Variants in JHY observed in about 807,000 individuals in gnomAD.
The protein encoded by JHY is jhy protein homolog.
JHY carries 69 observed loss-of-function variants against 78.0 expected under a neutral mutation model. The ratio of observed to expected loss-of-function variants is 0.88; its 90% CI spans 0.73 to 1.08. JHY has a LOEUF of 1.08. Ranked by LOEUF, JHY falls within the 50% of genes least tolerant of loss-of-function variation. The probability of loss-of-function intolerance (pLI) is 0.00; values close to 1 mark genes in which losing one functional copy is unlikely to be tolerated. For synonymous variants in JHY, 368 were observed against 342.6 expected (o/e 1.07, Z -0.82); for missense variants, 944 against 927.8 (o/e 1.02, Z -0.23).
intron 6 of JHY, among the ~76,000 whole-genome samples, chr11:122,953,601 CA>C (rs201261407): frequency 0.019 from 1,242 of 64,416 alleles, 10 homozygotes; most frequent in African/African-American, 0.058. Flanking sequence ...CACTCCATCT[CA>C]AAAAAAAAAA....
chr11:122,952,048 T>C (rs1035087205), intron 6 of JHY, among the ~76,000 whole-genome samples: 1 of 151,404 alleles, frequency 6.6e-6, no homozygotes, highest in Non-Finnish European at 1.5e-5. Context: ...GTAACAGCCA[T>C]GGAGAGGTAA....
chr11:122,908,561 C>A (rs994298975), intron 3 of JHY, among the ~76,000 whole-genome samples: 1 of 152,176 alleles, frequency 6.6e-6, no homozygotes, highest in Non-Finnish European at 1.5e-5. Context: ...AAGGTTTTAT[C>A]AAAATCTAAA....
At position 122,885,751 on chromosome 11, in the gene JHY, T is replaced by A. The variant is rs938706032; in HGVS notation, c.-89-10T>A. The A allele has an allele frequency of 1.5e-4, 132 of 882,512 alleles. No individual in the cohort carries two copies. The highest frequency in any genetic ancestry group is 2.8e-4 in the Admixed American group (11 of 39,170). The allele number at this position is 882,512 out of a possible 1,614,324, so 54.7% of individuals were successfully genotyped here. A position where few individuals can be genotyped will look rare whatever the true frequency, so the allele number is the denominator to read the frequency against. On this transcript the variant is annotated splice_polypyrimidine_tract_variant and intron_variant, in intron 1 of 8. Coordinates refer to ENST00000227349, the MANE Select transcript of JHY (RefSeq NM_024806.4). Reference sequence around the variant, plus strand: ...TGGTCGCAGAGTAACATAAATATATTTTTTTTCAGGTAACGCTTTTGTGAA... The same window carrying A: ...TGGTCGCAGAGTAACATAAATATATATTTTTTCAGGTAACGCTTTTGTGAA...
rs201867132 is a variant in JHY at position 122,886,201 on chromosome 11, A to T, written c.344+8A>T. ...CCAGGGCGCCAATAACAGGTAAGGA[A>T]TTGGCTTGTGTAAGATAATAATGGG... On this transcript the variant is annotated splice_region_variant and intron_variant, in intron 2 of 8. Transcript: ENST00000227349. The T allele has an allele frequency of 3.0e-3, 4,853 of 1,602,056 alleles. 9 individuals carry two copies. The highest frequency in any genetic ancestry group is 3.9e-3 in the Non-Finnish European group (4,522 of 1,173,556).
At chr11:122,912,923 G>A (rs1045368178) in intron 3 of JHY, among the ~76,000 whole-genome samples, 8 of 152,138 alleles carry the variant, frequency 5.3e-5, no homozygotes, top group Non-Finnish European at 1.2e-4. Context: ...ACTCAGTGAA[G>A]AGAAGCTATC....
rs997549395 is a variant in JHY, at chr11:122,962,323, G to A, written c.*2878G>A. Among the ~76,000 whole-genome samples, 3 of 152,126 alleles carry A rather than the reference G, an allele frequency of 2.0e-5. No individual in the cohort carries two copies. The highest frequency in any genetic ancestry group is 4.4e-5 in the Non-Finnish European group (3 of 68,032). Reference sequence around the variant, plus strand: ...AGCTTTGGAAATGTACTCCTATGTTGTATACATTTTACATATACCAAAATG... The same window carrying A: ...AGCTTTGGAAATGTACTCCTATGTTATATACATTTTACATATACCAAAATG... On this transcript the variant is annotated 3_prime_UTR_variant, in exon 9 of 9. Transcript: ENST00000227349.
intron 4 of JHY, among the ~76,000 whole-genome samples, chr11:122,925,846 T>G (rs897536776): frequency 6.6e-6 from 1 of 151,960 alleles, no homozygotes; most frequent in Non-Finnish European, 1.5e-5. Context: ...TGAAACCCCA[T>G]CTCTACTAAA....
intron 8 of JHY, chr11:122,958,603 TCAA>T (rs1302829051): frequency 2.4e-6 from 1 of 408,534 alleles, no homozygotes; most frequent in Non-Finnish European, 3.3e-6. Flanking sequence ...ATTTCAGCTA[TCAA>T]CAACATCTTA....
At chr11:122,894,101 A>G (rs1205886513) in intron 2 of JHY, among the ~76,000 whole-genome samples, 2 of 152,100 alleles carry the variant, frequency 1.3e-5, no homozygotes, top group African/African-American at 2.4e-5. Context: ...CGGGAGGATC[A>G]TTTGAGGTCA....
chr11:122,910,476 AAAAAAACC>A (rs1308520908), intron 3 of JHY, among the ~76,000 whole-genome samples: 1 of 152,006 alleles, frequency 6.6e-6, no homozygotes, highest in Non-Finnish European at 1.5e-5. Context: ...GTCTCCAAAA[AAAAAAACC>A]AAAAAACAGT....
chr11:122,932,232 G>A (rs769271024), intron 4 of JHY, among the ~76,000 whole-genome samples: 7 of 152,152 alleles, frequency 4.6e-5, no homozygotes, highest in Non-Finnish European at 8.8e-5. Context: ...TGCTTGGAAG[G>A]TGAGAAAAAT....
At chr11:122,897,752 T>A (rs534326843) in intron 2 of JHY, among the ~76,000 whole-genome samples, 14 of 152,052 alleles carry the variant, frequency 9.2e-5, no homozygotes, top group African/African-American at 2.7e-4. Flanking sequence ...TGGAAGGAGG[T>A]CTGTAGTCAT....
At chr11:122,945,883 T>G (rs1863950805) in intron 5 of JHY, among the ~76,000 whole-genome samples, 1 of 152,202 alleles carries the variant, frequency 6.6e-6, no homozygotes, top group Non-Finnish European at 1.5e-5. Flanking sequence ...TGCTTGTTGT[T>G]TCTCATGGCT....
chr11:122,955,234 C>T (rs556135363), intron 6 of JHY, among the ~76,000 whole-genome samples: 2 of 152,260 alleles, frequency 1.3e-5, no homozygotes, highest in South Asian at 4.1e-4. Flanking sequence ...GATTCTCCTG[C>T]CTCAGCCCCC....
At chr11:122,949,873 A>G (rs901910432) in intron 6 of JHY, among the ~76,000 whole-genome samples, 3 of 144,084 alleles carry the variant, frequency 2.1e-5, no homozygotes, top group Non-Finnish European at 4.5e-5. Flanking sequence ...ATCTCGCTTC[A>G]TCGCCCAGGC....
intron 2 of JHY, among the ~76,000 whole-genome samples, chr11:122,890,105 A>C (rs1463180415): frequency 6.6e-6 from 1 of 151,710 alleles, no homozygotes; most frequent in Non-Finnish European, 1.5e-5. Flanking sequence ...TATATATATA[A>C]ATGAAAGAAT....
At chr11:122,943,220 T>C (rs564518051) in intron 5 of JHY, among the ~76,000 whole-genome samples, 2 of 152,376 alleles carry the variant, frequency 1.3e-5, no homozygotes, top group Non-Finnish European at 2.9e-5. Context: ...TCTTGGATGA[T>C]CAGTTATTTG....
chr11:122,909,277 G>A (rs1863061913), intron 3 of JHY, among the ~76,000 whole-genome samples: 1 of 152,180 alleles, frequency 6.6e-6, no homozygotes, highest in East Asian at 1.9e-4. Flanking sequence ...AGTATAACCA[G>A]TACGGAGGAC....
intron 3 of JHY, among the ~76,000 whole-genome samples, chr11:122,914,419 TTTTTG>T (rs1231266319): frequency 6.6e-6 from 1 of 151,854 alleles, no homozygotes; most frequent in African/African-American, 2.4e-5. Flanking sequence ...ATGGGTGGTG[TTTTTG>T]TTTTGTTTTG....
Sources: gnomAD v4.1 joint callset for allele counts (sites outside exome capture counted in the v4.1 genomes callset) on GRCh38, gnomAD v4.1.1 for gene constraint, MANE v1.5 for transcripts, NCBI Gene and HGNC (gene_info 2026-07-23, HGNC 2026-07-21) for gene names.